Variants in CALN1 observed in about 807,000 individuals in gnomAD.
CALN1 encodes the protein calcium-binding protein 8.
In CALN1, 17 loss-of-function variants were observed where a neutral mutation model predicts 30.6. The observed-to-expected ratio is 0.56, with a 90% confidence interval of 0.38 to 0.83. The LOEUF is 0.83. Ranked by LOEUF, CALN1 falls within the 40% of genes least tolerant of loss-of-function variation. The pLI is 0.00. For missense variants in CALN1, 291 were observed against 354.9 expected (o/e 0.82, Z 1.45); for synonymous variants, 156 against 131.4 (o/e 1.19, Z -1.28).
intron 4 of CALN1, among the ~76,000 whole-genome samples, chr7:72,087,636 T>C (rs10252717): frequency 0.23 from 34,576 of 151,880 alleles, 4,883 homozygotes; most frequent in East Asian, 0.69. Flanking sequence ...CAGTGATCAG[T>C]AGACTACTCA....
At chr7:72,093,432 G>A (rs1806006014) in intron 4 of CALN1, among the ~76,000 whole-genome samples, 1 of 152,188 alleles carries the variant, frequency 6.6e-6, no homozygotes, top group Non-Finnish European at 1.5e-5. Flanking sequence ...TTCTGAGATT[G>A]GTTTGCTTGC....
At chr7:72,287,335 T>A (rs369265253) in intron 2 of CALN1, among the ~76,000 whole-genome samples, 3 of 151,890 alleles carry the variant, frequency 2.0e-5, no homozygotes, top group African/African-American at 7.3e-5. Flanking sequence ...TAAATTTACA[T>A]AAATGATATT....
intron 6 of CALN1, 45 bp from the exon 7 acceptor site, chr7:71,787,947 G>C (rs867319391): frequency 6.2e-7 from 1 of 1,612,610 alleles, no homozygotes; most frequent in Non-Finnish European, 8.5e-7. Flanking sequence ...AGAGGGGTTG[G>C]GAGAAGAGAG....
intron 3 of CALN1, among the ~76,000 whole-genome samples, chr7:72,166,517 T>C (rs1471242677): frequency 1.3e-5 from 2 of 152,240 alleles, no homozygotes; most frequent in Admixed American, 1.3e-4. Flanking sequence ...TGAGCAGTGA[T>C]TGTCTTTGTG....
chr7:72,117,554 G>C (rs1808073186), intron 3 of CALN1, among the ~76,000 whole-genome samples: 1 of 152,130 alleles, frequency 6.6e-6, no homozygotes, highest in East Asian at 1.9e-4. Context: ...TTCCCATCAT[G>C]GCCAGAATTC....
upstream of CALN1, among the ~76,000 whole-genome samples, chr7:72,451,490 A>C (rs1808663083): frequency 6.6e-6 from 1 of 152,060 alleles, no homozygotes; most frequent in Admixed American, 6.5e-5. Flanking sequence ...CAAAGACAAG[A>C]ACTCAACTCT....
chr7:72,394,867 G>A (rs1045897174), intron 2 of CALN1, among the ~76,000 whole-genome samples: 2 of 151,726 alleles, frequency 1.3e-5, no homozygotes, highest in Non-Finnish European at 2.9e-5. Flanking sequence ...TAGATTGCCC[G>A]GGCTGGTCTC....
chr7:72,013,801 A>G (rs747247131), intron 5 of CALN1, among the ~76,000 whole-genome samples: 6 of 152,066 alleles, frequency 3.9e-5, no homozygotes, highest in African/African-American at 9.7e-5. Flanking sequence ...CATTTACTAT[A>G]AAGTGAAAAT....
At chr7:72,183,322 G>C (rs186986527) in intron 3 of CALN1, among the ~76,000 whole-genome samples, 1 of 152,154 alleles carries the variant, frequency 6.6e-6, no homozygotes, top group Non-Finnish European at 1.5e-5. Flanking sequence ...AGGCAAGGAG[G>C]GGGAGAGGGT....
intron 4 of CALN1, among the ~76,000 whole-genome samples, chr7:72,037,909 C>G (rs922371390): frequency 1.3e-5 from 2 of 152,226 alleles, no homozygotes; most frequent in Admixed American, 1.3e-4. Context: ...ATGTCCCACT[C>G]CTTAATGTCT....
intron 1 of CALN1, among the ~76,000 whole-genome samples, chr7:72,430,887 A>T (rs1274956972): frequency 3.3e-5 from 5 of 152,116 alleles, no homozygotes; most frequent in African/African-American, 1.2e-4. Flanking sequence ...GTTTTTGTCA[A>T]GGAGAATTAT....
the CALN1 span, among the ~76,000 whole-genome samples, chr7:72,477,424 T>A: frequency 6.6e-6 from 1 of 152,050 alleles, no homozygotes; most frequent in South Asian, 2.1e-4. Flanking sequence ...ACCCCTTTTT[T>A]AATTTTTGTT....
At chr7:71,817,320 A>C (rs1788323904) in intron 5 of CALN1, among the ~76,000 whole-genome samples, 1 of 152,114 alleles carries the variant, frequency 6.6e-6, no homozygotes, top group Non-Finnish European at 1.5e-5. Context: ...TCATTATTAC[A>C]TCCCAGTTCT....
intron 5 of CALN1, among the ~76,000 whole-genome samples, chr7:71,860,194 A>ATT (rs112576017): frequency 1.4e-4 from 19 of 137,312 alleles, no homozygotes; most frequent in African/African-American, 4.1e-4. Context: ...CTTTATTTTC[A>ATT]TTTTTTTTTT....
chr7:72,287,377 G>A (rs1413326017), intron 2 of CALN1, among the ~76,000 whole-genome samples: 2 of 150,530 alleles, frequency 1.3e-5, no homozygotes, highest in African/African-American at 2.5e-5. Context: ...AACCTGCATG[G>A]TTCACTCTAT....
intron 2 of CALN1, among the ~76,000 whole-genome samples, chr7:72,312,688 G>C (rs1156960825): frequency 1.3e-5 from 2 of 151,994 alleles, no homozygotes; most frequent in Non-Finnish European, 2.9e-5. Flanking sequence ...TGGCATCATT[G>C]AAAAGGAAAA....
intron 3 of CALN1, among the ~76,000 whole-genome samples, chr7:72,205,433 C>A (rs1338331993): frequency 6.7e-6 from 1 of 150,220 alleles, no homozygotes; most frequent in Non-Finnish European, 1.5e-5. Context: ...AACTCCTGAC[C>A]TCAAGTTGAT....
intron 4 of CALN1, among the ~76,000 whole-genome samples, chr7:72,035,978 C>T (rs184979060): frequency 7.9e-5 from 12 of 152,240 alleles, no homozygotes; most frequent in South Asian, 2.1e-4. Context: ...GTCTAGTGTC[C>T]GTAAATTTCA....
At chr7:71,989,785 A>G (rs931162782) in intron 5 of CALN1, among the ~76,000 whole-genome samples, 7 of 152,228 alleles carry the variant, frequency 4.6e-5, no homozygotes, top group Non-Finnish European at 1.0e-4. Context: ...TAGCAAACAA[A>G]GATGGTGCTT....
Sources: gnomAD v4.1 joint callset for allele counts (sites outside exome capture counted in the v4.1 genomes callset) on GRCh38, gnomAD v4.1.1 for gene constraint, MANE v1.5 for transcripts, NCBI Gene and HGNC (gene_info 2026-07-23, HGNC 2026-07-21) for gene names.